Variants in VWCE observed in about 807,000 individuals in gnomAD.
The protein encoded by VWCE is von Willebrand factor C and EGF domains, also known as von Willebrand factor C and EGF domain-containing protein.
Under a neutral mutation model 102.9 loss-of-function variants are expected in VWCE, and 68 were observed. That is an observed-to-expected ratio of 0.66 (90% confidence interval 0.54 to 0.81). VWCE has a LOEUF of 0.81. VWCE is among the 30% of genes least tolerant of loss of function. The probability of loss-of-function intolerance (pLI) is 0.00; values close to 1 mark genes in which losing one functional copy is unlikely to be tolerated. For synonymous variants in VWCE, 497 were observed against 515.4 expected (o/e 0.96, Z 0.48); for missense variants, 1,137 against 1,263.6 (o/e 0.90, Z 1.52).
chr11:61,294,890 C>G lies in VWCE; in HGVS notation c.110+38G>C, dbSNP rs1392138811. ...CTCGACTGCACGCCGGTAGCGCTCT[C>G]CCGGGCGGGGGAGCGGGGAGGAGCT... is the stretch of plus-strand genomic sequence containing the variant. On this transcript the variant is annotated intron_variant, in intron 1 of 19. Transcript: ENST00000335613. This position sits in a 1 kb window ranked among gnomAD's most constrained non-coding sequence, Gnocchi z 6.3. The G allele has an allele frequency of 7.5e-7, 1 of 1,341,266 alleles. No homozygotes were observed. The highest frequency in any genetic ancestry group is 3.2e-5 in the Admixed American group (1 of 31,488). The allele number at this position is 1,341,266 out of a possible 1,614,324, so 83.1% of individuals were successfully genotyped here.
intron 19 of VWCE, among the ~76,000 whole-genome samples, chr11:61,260,593 CA>C (rs1459002134): frequency 6.6e-6 from 1 of 152,086 alleles, no homozygotes; most frequent in Non-Finnish European, 1.5e-5. Context: ...CCACGGTGCC[CA>C]GCAAAAATGC....
chr11:61,290,157 G>T (rs954982264), intron 4 of VWCE, among the ~76,000 whole-genome samples: 1 of 152,122 alleles, frequency 6.6e-6, no homozygotes, highest in South Asian at 2.1e-4. Context: ...CCCAGTGAAG[G>T]TCCCCATGAC....
intron 16 of VWCE, among the ~76,000 whole-genome samples, chr11:61,266,400 G>A (rs1263402866): frequency 6.6e-6 from 1 of 151,938 alleles, no homozygotes; most frequent in African/African-American, 2.4e-5. Context: ...TAATTAGCCA[G>A]GTGTGGTGGT....
rs537353127 is a variant in VWCE, at chr11:61,273,265, G to C, written c.1633C>G (p.Arg545Gly). The C allele has an allele frequency of 1.9e-6, 3 of 1,613,806 alleles. No homozygotes were observed. The highest frequency in any genetic ancestry group is 1.7e-6 in the Non-Finnish European group (2 of 1,179,898). The stretch of plus-strand genomic sequence containing the variant: ...CCAGGGCCCAGCCGCCACTCTTCTC[G>C]GGGGCAGGCCAGCTCAGGGCAGGGC... ...FMPCPELACP[R>G]EEWRLGPGQC... The change falls in exon 13 of 20, where the codon CGA becomes GGA. Residue 545 changes from arginine to glycine, a missense_variant. This residue lies in a region of VWCE where 212 missense variants were observed against 235.1 expected (regional missense o/e 0.90). Transcript: ENST00000335613.
At chr11:61,275,152 G>A (rs2134783473) in intron 11 of VWCE, among the ~76,000 whole-genome samples, 1 of 152,012 alleles carries the variant, frequency 6.6e-6, no homozygotes, top group East Asian at 1.9e-4. Context: ...AAAAGTAACA[G>A]AAAAAAAGAA....
At chr11:61,283,099 C>CT (rs1190453062) in intron 5 of VWCE, among the ~76,000 whole-genome samples, 194 bp from the exon 6 acceptor site, 1 of 152,228 alleles carries the variant, frequency 6.6e-6, no homozygotes, top group Non-Finnish European at 1.5e-5. Flanking sequence ...CTCATCCTCA[C>CT]TGCTACCCCT....
In VWCE at chr11:61,294,543, G is replaced by C. The variant is rs935681502; in HGVS notation, c.110+385C>G. 8.5e-5 allele frequency among the ~76,000 whole-genome samples: 13 copies of C among 152,154 alleles called. No individual in the cohort carries two copies. The highest frequency in any genetic ancestry group is 1.6e-4 in the Non-Finnish European group (11 of 68,028). On this transcript the variant is annotated intron_variant, in intron 1 of 19. Coordinates refer to ENST00000335613, the MANE Select transcript of VWCE (RefSeq NM_152718.2). This position sits in a 1 kb window ranked among gnomAD's most constrained non-coding sequence, Gnocchi z 6.3. Reference sequence around the variant, plus strand: ...ACCCAGGGAAAGCCCCGCGCGGCAGGGGAGGCCAGGCGCTGCCCGGGCAGA... The same window carrying C: ...ACCCAGGGAAAGCCCCGCGCGGCAGCGGAGGCCAGGCGCTGCCCGGGCAGA...
intron 4 of VWCE, among the ~76,000 whole-genome samples, chr11:61,288,339 AG>A (rs1855398222): frequency 6.6e-6 from 1 of 152,038 alleles, no homozygotes; most frequent in South Asian, 2.1e-4. Context: ...GCAGCTTCTG[AG>A]GACCTACGGG....
At chr11:61,267,412 A>C in intron 16 of VWCE, 50 bp downstream of exon 16, 1 of 1,568,050 alleles carries the variant, frequency 6.4e-7, no homozygotes, top group Admixed American at 1.7e-5. Flanking sequence ...AGCCGATGTC[A>C]GTTGTGGGGG....
At chr11:61,282,220 C>G (rs973550805) in intron 6 of VWCE, among the ~76,000 whole-genome samples, 1 of 152,214 alleles carries the variant, frequency 6.6e-6, no homozygotes, top group Non-Finnish European at 1.5e-5. Context: ...AAGCTCATCT[C>G]CAAACCTTCC....
intron 3 of VWCE, 115 bp downstream of exon 3, chr11:61,291,149 T>C (rs1213557041): frequency 3.2e-6 from 4 of 1,242,668 alleles, no homozygotes; most frequent in Non-Finnish European, 4.4e-6. Context: ...AATGTCTACC[T>C]AATGGAGTTG....
chr11:61,293,851 G>C (rs1315946811), intron 1 of VWCE, among the ~76,000 whole-genome samples: 1 of 152,134 alleles, frequency 6.6e-6, no homozygotes, highest in Non-Finnish European at 1.5e-5. Flanking sequence ...GCTGTCCCTG[G>C]GGCCTTTTTC....
chr11:61,295,055 C>A lies in VWCE; in HGVS notation c.-18G>T. Reference sequence around the variant, plus strand: ...GCCCACATGACCGGCGGCGGCGGGTCCCCCGGGCTGGGCTCGGCTCCTGCG... The same window carrying A: ...GCCCACATGACCGGCGGCGGCGGGTACCCCGGGCTGGGCTCGGCTCCTGCG... On this transcript the variant is annotated 5_prime_UTR_variant, in exon 1 of 20. Coordinates refer to ENST00000335613, the MANE Select transcript of VWCE (RefSeq NM_152718.2). The surrounding 1 kb of genome is among the most constrained non-coding windows in gnomAD (Gnocchi z 4.6). 1 of 1,349,530 alleles carries A rather than the reference C, an allele frequency of 7.4e-7. No homozygotes were observed. The highest frequency in any genetic ancestry group is 9.5e-7 in the Non-Finnish European group (1 of 1,047,454). 83.6% of individuals were successfully genotyped at this position (1,349,530 alleles called of 1,614,324 possible).
At chr11:61,288,480 C>G (rs189581031) in intron 4 of VWCE, among the ~76,000 whole-genome samples, 28 of 152,154 alleles carry the variant, frequency 1.8e-4, no homozygotes, top group Non-Finnish European at 3.1e-4. Flanking sequence ...CCCACTCTTC[C>G]CAACAGCTGG....
intron 5 of VWCE, among the ~76,000 whole-genome samples, chr11:61,285,628 G>C (rs61895890): frequency 0.05 from 7,602 of 152,150 alleles, 242 homozygotes; most frequent in Non-Finnish European, 0.069. Context: ...GGGACTCATG[G>C]CCTGAGTCTC....
rs1297489953 is a variant in VWCE at position 61,265,205 on chromosome 11, G to A, written c.1973C>T (p.Ser658Leu). 3 of 1,483,332 alleles carry A rather than the reference G, an allele frequency of 2.0e-6. No homozygotes were observed. Among genetic ancestry groups the A allele is most frequent in the Non-Finnish European group, 2.7e-6 (3 of 1,114,672 alleles). 91.9% of individuals were successfully genotyped at this position (1,483,332 alleles called of 1,614,324 possible). ...GCAGTCCACGGGGGAACAGGCCACTGAGCCCAGCTGCAGGACACAGAAAAC... is the reference window on the plus strand; with the variant it reads ...GCAGTCCACGGGGGAACAGGCCACTAAGCCCAGCTGCAGGACACAGAAAAC... ...PCLSCICLLGSVACSPVDCPI... is the reference protein window; with the variant it reads ...PCLSCICLLGLVACSPVDCPI... Residue 658 changes from serine (S) to leucine (L), a missense_variant, in exon 17 of 20, where the codon TCA becomes TTA. Around this residue, in one of 5 missense-constraint regions of VWCE, gnomAD observed 212 missense variants for 235.1 expected, o/e 0.90. Coordinates refer to ENST00000335613, the MANE Select transcript of VWCE (RefSeq NM_152718.2).
intron 7 of VWCE, among the ~76,000 whole-genome samples, 160 bp from the exon 8 acceptor site, chr11:61,281,395 A>T (rs898136201): frequency 2.0e-5 from 3 of 152,158 alleles, no homozygotes; most frequent in Non-Finnish European, 4.4e-5. Flanking sequence ...GCCGTTTGGC[A>T]GGGCGAACCA....
In VWCE at chr11:61,286,411, G is replaced by A; in HGVS notation, c.444C>T (p.Thr148=). 1 of 1,612,610 alleles carries A rather than the reference G, an allele frequency of 6.2e-7. No homozygotes were observed. The highest frequency in any genetic ancestry group is 8.5e-7 in the Non-Finnish European group (1 of 1,180,006). The change falls in exon 5 of 20, where the codon ACC becomes ACT. Residue 148 remains threonine (T), a synonymous_variant. Transcript: ENST00000335613. ...IRCTDIDECV[T]SSCEGHCVNT... ...TCACACAGTGGCCCTCGCAGGAGGA[G>A]GTTACACATTCGTCAATGTCTGGAA...
At chr11:61,269,410 T>C (rs551634682) in intron 14 of VWCE, 19 of 177,952 alleles carry the variant, frequency 1.1e-4, no homozygotes, top group Non-Finnish European at 2.2e-4. Context: ...GAAGTGTCTA[T>C]TTCAGAGAGC....
Sources: allele counts gnomAD v4.1 joint callset (sites outside exome capture counted in the v4.1 genomes callset), GRCh38; gene constraint gnomAD v4.1.1; regional missense constraint gnomAD v4.1.1; non-coding constraint Gnocchi (gnomAD v3.1); transcripts MANE v1.5; gene names NCBI Gene and HGNC (gene_info 2026-07-23, HGNC 2026-07-21).